Variants in CCDC83 observed in about 807,000 individuals in gnomAD.
CCDC83 encodes coiled-coil domain-containing protein 83.
A neutral mutation model predicts 50.1 loss-of-function variants in CCDC83; 54 were observed. The ratio of observed to expected loss-of-function variants is 1.08; its 90% CI spans 0.87 to 1.35. The LOEUF is 1.35. CCDC83 is among the 40% of genes most tolerant of loss of function. The pLI is 0.00. For synonymous variants in CCDC83, 161 were observed against 153.3 expected (o/e 1.05, Z -0.37); for missense variants, 518 against 473.9 (o/e 1.09, Z -0.86).
At chr11:85,914,464 T>C (rs886404355) in intron 8 of CCDC83, among the ~76,000 whole-genome samples, 1 of 152,222 alleles carries the variant, frequency 6.6e-6, no homozygotes, top group African/African-American at 2.4e-5. Context: ...ATCAGTTCGC[T>C]GGGCTTGTAG....
Position 85,865,824 on chromosome 11 carries a change from G to A in CCDC83, c.95+606G>A, listed in dbSNP as rs184412311. On this transcript the variant is annotated intron_variant, in intron 2 of 10. Coordinates refer to ENST00000342404, the MANE Select transcript of CCDC83 (RefSeq NM_001286159.2). Reference sequence around the variant, plus strand: ...AATTGCTCAAACCCAGGAGGCAGACGTTGCAGTGAGCCAAGATCATGCCAC... The same window carrying A: ...AATTGCTCAAACCCAGGAGGCAGACATTGCAGTGAGCCAAGATCATGCCAC... Among the ~76,000 whole-genome samples the A allele has an allele frequency of 3.5e-3, 534 of 151,376 alleles. 1 individual carries two copies. The highest frequency in any genetic ancestry group is 5.2e-3 in the Non-Finnish European group (355 of 67,910).
chr11:85,918,267 C>CTTGTAAGTGA (rs1305217105), intron 10 of CCDC83, among the ~76,000 whole-genome samples: 3 of 152,158 alleles, frequency 2.0e-5, no homozygotes, highest in African/African-American at 7.2e-5. Context: ...CACTTACAGA[C>CTTGTAAGTGA]TTGTAGAAGA....
chr11:85,903,048 A>C (rs1315274576), intron 7 of CCDC83, among the ~76,000 whole-genome samples: 2 of 152,058 alleles, frequency 1.3e-5, no homozygotes, highest in Non-Finnish European at 2.9e-5. Context: ...CCTGGCCAAC[A>C]TGGTGAAACC....
intron 8 of CCDC83, among the ~76,000 whole-genome samples, 176 bp downstream of exon 8, chr11:85,911,578 T>C (rs2093454640): frequency 6.6e-6 from 1 of 152,244 alleles, no homozygotes; most frequent in Non-Finnish European, 1.5e-5. Context: ...TATTGACCAT[T>C]GGTACAATGT....
At chr11:85,880,244 T>C (rs2093292359) in intron 3 of CCDC83, among the ~76,000 whole-genome samples, 3 of 152,206 alleles carry the variant, frequency 2.0e-5, no homozygotes, top group African/African-American at 4.8e-5. Context: ...ATGAACATGA[T>C]ATGTTTCTCC....
intron 1 of CCDC83, among the ~76,000 whole-genome samples, chr11:85,859,771 T>C (rs1160833694): frequency 2.0e-5 from 3 of 152,162 alleles, no homozygotes; most frequent in Admixed American, 6.5e-5. Flanking sequence ...GCAAAGAATT[T>C]ATGACTAAAT....
intron 1 of CCDC83, among the ~76,000 whole-genome samples, chr11:85,863,727 C>T (rs1164904595): frequency 1.3e-5 from 2 of 152,174 alleles, no homozygotes; most frequent in South Asian, 2.1e-4. Flanking sequence ...TGATCCAAAT[C>T]AATGAAGGTT....
At position 85,915,416 on chromosome 11, in the gene CCDC83, T is replaced by A; in HGVS notation, c.795-3T>A. 1 of 1,605,178 alleles carries A rather than the reference T, an allele frequency of 6.2e-7. No homozygotes were observed. Among genetic ancestry groups the A allele is most frequent in the East Asian group, 2.2e-5 (1 of 44,826 alleles). ...AGATTGTTTTTCTCATTTGTTCTTT[T>A]AGGCGACTATATCTTACCCAAGCTG... On this transcript the variant is annotated splice_polypyrimidine_tract_variant and splice_region_variant and intron_variant, in intron 8 of 10. Transcript: ENST00000342404.
At chr11:85,917,740 C>T (rs2093489092) in intron 10 of CCDC83, among the ~76,000 whole-genome samples, 1 of 152,162 alleles carries the variant, frequency 6.6e-6, no homozygotes, top group Admixed American at 6.5e-5. Flanking sequence ...ATCCTGCTGC[C>T]ATCAAGCGAT....
intron 2 of CCDC83, among the ~76,000 whole-genome samples, chr11:85,869,096 C>T (rs1373856376): frequency 1.3e-5 from 2 of 152,218 alleles, no homozygotes; most frequent in Non-Finnish European, 2.9e-5. Context: ...AATTTTTTAA[C>T]GTACTAACAC....
At chr11:85,903,283 T>C (rs970765680) in intron 7 of CCDC83, among the ~76,000 whole-genome samples, 7 of 152,006 alleles carry the variant, frequency 4.6e-5, no homozygotes, top group Non-Finnish European at 1.5e-5. Flanking sequence ...CTATTTTATT[T>C]TTATTTTATT....
At chr11:85,882,944 G>T (rs1336433561) in intron 4 of CCDC83, among the ~76,000 whole-genome samples, 1 of 152,098 alleles carries the variant, frequency 6.6e-6, no homozygotes, top group Non-Finnish European at 1.5e-5. Flanking sequence ...TTGGGATAGG[G>T]TGTAGTTCAG....
chr11:85,858,846 A>G (rs538080571), intron 1 of CCDC83, among the ~76,000 whole-genome samples: 54 of 152,210 alleles, frequency 3.5e-4, no homozygotes, highest in African/African-American at 1.3e-3. Flanking sequence ...TGTTGTTTGA[A>G]TTTTCCTGAG....
intron 4 of CCDC83, among the ~76,000 whole-genome samples, chr11:85,883,515 C>T (rs544027764): frequency 1.1e-4 from 16 of 152,126 alleles, no homozygotes; most frequent in African/African-American, 2.9e-4. Context: ...CAATGAAAGA[C>T]CCAGGGCATA....
At chr11:85,879,491 A>T (rs2093287176) in intron 3 of CCDC83, among the ~76,000 whole-genome samples, 1 of 152,244 alleles carries the variant, frequency 6.6e-6, no homozygotes, top group African/African-American at 2.4e-5. Context: ...GCTAACAAGC[A>T]CATGAAAAGA....
At chr11:85,892,967 T>C (rs2093356888) in intron 5 of CCDC83, among the ~76,000 whole-genome samples, 1 of 152,228 alleles carries the variant, frequency 6.6e-6, no homozygotes, top group African/African-American at 2.4e-5. Context: ...TATGAACTAC[T>C]GCCTCACTCT....
At chr11:85,912,804 C>A (rs2093461159) in intron 8 of CCDC83, 3 of 1,002,502 alleles carry the variant, frequency 3.0e-6, no homozygotes, top group Non-Finnish European at 4.8e-6. Flanking sequence ...TCTGAACTGG[C>A]TAATCTTTAG....
At chr11:85,880,818 C>T (rs1286804416) in intron 3 of CCDC83, among the ~76,000 whole-genome samples, 3 of 152,120 alleles carry the variant, frequency 2.0e-5, no homozygotes, top group Non-Finnish European at 4.4e-5. Context: ...AGAAGTGTTT[C>T]CAATTTCAGA....
At position 85,917,158 on chromosome 11, in the gene CCDC83, G is replaced by GAA. The variant is rs1202011090; in HGVS notation, c.1080+926_1080+927insAA. 1.5e-4 allele frequency among the ~76,000 whole-genome samples: 10 copies of GAA among 66,850 alleles called. No individual in the cohort carries two copies. In the South Asian group the frequency reaches 1.8e-3, roughly 12 times the overall value. 43.9% of individuals were successfully genotyped at this position (66,850 alleles called of 152,430 possible). ...AAAGAGAGAGAGAGAGAGAGAGAGA[G>GAA]AGAGAGAGAGAAAGAAAGAAAGAAA... On this transcript the variant is annotated intron_variant, in intron 10 of 10. Transcript: ENST00000342404.
Sources: allele counts gnomAD v4.1 joint callset (sites outside exome capture counted in the v4.1 genomes callset), GRCh38; gene constraint gnomAD v4.1.1; transcripts MANE v1.5; gene names NCBI Gene and HGNC (gene_info 2026-07-23, HGNC 2026-07-21).